SLC6A6: variants seen among roughly 807,000 people sequenced by gnomAD.
SLC6A6 encodes sodium- and chloride-dependent taurine transporter.
SLC6A6 carries 16 observed loss-of-function variants against 68.8 expected under a neutral mutation model. That is an observed-to-expected ratio of 0.23 (90% confidence interval 0.16 to 0.35). The LOEUF is 0.35. Ranked by LOEUF, SLC6A6 falls within the 10% of genes least tolerant of loss-of-function variation. The pLI is 1.00. For synonymous variants in SLC6A6, 312 were observed against 315.4 expected, an observed-to-expected ratio of 0.99 and a Z score of 0.12; for missense variants, 474 against 802.8, an observed-to-expected ratio of 0.59 and a Z score of 4.95.
intron 1 of SLC6A6, among the ~76,000 whole-genome samples, chr3:14,415,064 C>A (rs1382591601): frequency 6.6e-6 from 1 of 152,238 alleles, no homozygotes; most frequent in Non-Finnish European, 1.5e-5. Flanking sequence ...GCCCAGACTT[C>A]ACAGAGCCTA....
intron 2 of SLC6A6, among the ~76,000 whole-genome samples, chr3:14,423,341 T>A (rs1281379430): frequency 1.3e-5 from 2 of 152,178 alleles, no homozygotes; most frequent in East Asian, 3.9e-4. Context: ...CACTCACACA[T>A]GAATGTTGTG....
At chr3:14,480,659 T>C (rs1193052733) in intron 13 of SLC6A6, among the ~76,000 whole-genome samples, 1 of 152,252 alleles carries the variant, frequency 6.6e-6, no homozygotes, top group Non-Finnish European at 1.5e-5. Context: ...TTTAGAAAGA[T>C]GCATCTTCCT....
chr3:14,465,085 C>T (rs959158421), intron 6 of SLC6A6, among the ~76,000 whole-genome samples: 32 of 152,264 alleles, frequency 2.1e-4, no homozygotes, highest in Admixed American at 1.1e-3. Context: ...GTGCCTGGGA[C>T]GTTCCTACTC....
At chr3:14,409,733 G>A (rs548826012) in intron 1 of SLC6A6, among the ~76,000 whole-genome samples, 6 of 152,218 alleles carry the variant, frequency 3.9e-5, no homozygotes, top group South Asian at 2.1e-4. Context: ...GTCTGGGAAC[G>A]CCGCCTCAGG....
At chr3:14,458,473 G>A (rs3821593) in intron 6 of SLC6A6, among the ~76,000 whole-genome samples, 64,298 of 152,098 alleles carry the variant, frequency 0.42, 13,825 homozygotes, top group African/African-American at 0.48. Flanking sequence ...AGGTTAGCTG[G>A]TAACAGGAGG....
Position 14,489,284 on chromosome 3 carries a change from C to T in SLC6A6, c.*4277C>T, listed in dbSNP as rs1475740930. The T allele has an allele frequency of 6.6e-6, 1 of 152,370 alleles. No homozygotes were observed. Among genetic ancestry groups the T allele is most frequent in the African/African-American group, 2.4e-5 (1 of 41,346 alleles). The allele number at this position is 152,370 out of a possible 1,614,324, so 9.4% of individuals were successfully genotyped here. ...TATCAATATTTTAAATTCATCTTTGCTTTTTTTAGAGGAGTTTGTAATCAC... is the reference window on the plus strand; with the variant it reads ...TATCAATATTTTAAATTCATCTTTGTTTTTTTTAGAGGAGTTTGTAATCAC... On this transcript the variant is annotated 3_prime_UTR_variant, in exon 15 of 15. Coordinates refer to ENST00000622186, the MANE Select transcript of SLC6A6 (RefSeq NM_003043.6).
intron 13 of SLC6A6, 78 bp downstream of exon 13, chr3:14,479,263 T>C: frequency 1.1e-6 from 1 of 900,662 alleles, no homozygotes; most frequent in Non-Finnish European, 1.9e-6. Context: ...AAACCATCTT[T>C]CATGCAGCAT....
chr3:14,459,217 C>G (rs1311156203), intron 6 of SLC6A6, among the ~76,000 whole-genome samples: 1 of 152,194 alleles, frequency 6.6e-6, no homozygotes, highest in African/African-American at 2.4e-5. Context: ...GATCAAAAAA[C>G]CCCCAAAAGT....
rs577106049 is a variant in SLC6A6, at chr3:14,480,551, C to T, written c.1552-1120C>T. On this transcript the variant is annotated intron_variant, in intron 13 of 14. Coordinates refer to ENST00000622186, the MANE Select transcript of SLC6A6 (RefSeq NM_003043.6). ...CACTCATCTGAGCCACAGCCCTACA[C>T]GTAGGGACGGGAACAACAGCAGGGC... Among the ~76,000 whole-genome samples, 32 of 152,210 alleles carry T rather than the reference C, an allele frequency of 2.1e-4. 1 individual carries two copies. Among genetic ancestry groups the T allele is most frequent in the Admixed American group, 1.2e-3 (19 of 15,290 alleles).
intron 5 of SLC6A6, among the ~76,000 whole-genome samples, chr3:14,448,955 C>G (rs896285486): frequency 2.6e-5 from 4 of 152,234 alleles, no homozygotes; most frequent in Non-Finnish European, 5.9e-5. Flanking sequence ...AGGTTGTGAG[C>G]CAGGGGCAGG....
In SLC6A6 at chr3:14,402,661, A is replaced by G. The variant is rs1204306096; in HGVS notation, c.-240A>G. 1 of 397,936 alleles carries G rather than the reference A, an allele frequency of 2.5e-6. No individual in the cohort carries two copies. Among genetic ancestry groups the G allele is most frequent in the Non-Finnish European group, 4.4e-6 (1 of 225,794 alleles). 24.7% of individuals were successfully genotyped at this position (397,936 alleles called of 1,614,324 possible). A position where few individuals can be genotyped will look rare whatever the true frequency, so the allele number is the denominator to read the frequency against. On this transcript the variant is annotated 5_prime_UTR_variant, in exon 1 of 15. Coordinates refer to ENST00000622186, the MANE Select transcript of SLC6A6 (RefSeq NM_003043.6). This position sits in a 1 kb window ranked among gnomAD's most constrained non-coding sequence, Gnocchi z 4.8. ...GAGGTCAGGAAGAAGCCGCTTATAA[A>G]TTACCGCTTCCTTCGCGCCGCCGCC... is the stretch of plus-strand genomic sequence containing the variant.
chr3:14,417,532 C>A (rs1299021066), intron 2 of SLC6A6, among the ~76,000 whole-genome samples: 1 of 152,100 alleles, frequency 6.6e-6, no homozygotes. Flanking sequence ...GAGATCGAGA[C>A]CATCCTGGCT....
In SLC6A6 at chr3:14,445,627, C is replaced by G. The variant is rs566528253; in HGVS notation, c.230-90C>G. 1.1e-5 allele frequency: 16 copies of G among 1,441,660 alleles called. No individual in the cohort carries two copies. The East Asian group carries it at 3.6e-4, about 33-fold the overall frequency. 89.3% of individuals were successfully genotyped at this position (1,441,660 alleles called of 1,614,324 possible). A position where few individuals can be genotyped will look rare whatever the true frequency, so the allele number is the denominator to read the frequency against. On this transcript the variant is annotated intron_variant, in intron 3 of 14. Coordinates refer to ENST00000622186, the MANE Select transcript of SLC6A6 (RefSeq NM_003043.6). ...GCCTCATGCCCCTCATGCATTCTCTCTGGTTCCATTGGCTGGGAGGGCTTG... is the reference window on the plus strand; with the variant it reads ...GCCTCATGCCCCTCATGCATTCTCTGTGGTTCCATTGGCTGGGAGGGCTTG...
At chr3:14,416,703 C>T (rs57066911) in intron 2 of SLC6A6, among the ~76,000 whole-genome samples, 3,269 of 152,346 alleles carry the variant, frequency 0.021, 122 homozygotes, top group African/African-American at 0.074. Context: ...GCAAATGGGC[C>T]AAGCACTGGT....
chr3:14,451,837 C>T (rs962858374), intron 5 of SLC6A6, among the ~76,000 whole-genome samples: 3 of 152,174 alleles, frequency 2.0e-5, no homozygotes, highest in East Asian at 1.9e-4. Flanking sequence ...GGATTTTTTG[C>T]GCGTTGCTGT....
Position 14,468,548 on chromosome 3 carries a change from C to T in SLC6A6, c.1096+336C>T, listed in dbSNP as rs1700678170. ...CACAATAGAAACCACTTTCCTAACT[C>T]AGGCCCAAGTCAGCCACCAATCGGC... On this transcript the variant is annotated intron_variant, in intron 9 of 14. Coordinates refer to ENST00000622186, the MANE Select transcript of SLC6A6 (RefSeq NM_003043.6). The surrounding 1 kb of genome is among the most constrained non-coding windows in gnomAD (Gnocchi z 4.5). Among the ~76,000 whole-genome samples the T allele has an allele frequency of 6.6e-6, 1 of 152,082 alleles. No homozygotes were observed. The highest frequency in any genetic ancestry group is 1.5e-5 in the Non-Finnish European group (1 of 68,008).
intron 2 of SLC6A6, among the ~76,000 whole-genome samples, chr3:14,434,175 G>A (rs994051240): frequency 6.6e-6 from 1 of 152,176 alleles, no homozygotes; most frequent in Non-Finnish European, 1.5e-5. Flanking sequence ...CCCTAGAGCC[G>A]AGCTTCTGGG....
intron 6 of SLC6A6, 105 bp from the exon 7 acceptor site, chr3:14,466,411 C>A: frequency 7.6e-7 from 1 of 1,314,184 alleles, no homozygotes; most frequent in Non-Finnish European, 1.0e-6. Context: ...GGCTCCAGAA[C>A]TCCTGATCCT....
chr3:14,451,001 C>A (rs916681403), intron 5 of SLC6A6, among the ~76,000 whole-genome samples: 1 of 152,252 alleles, frequency 6.6e-6, no homozygotes, highest in Non-Finnish European at 1.5e-5. Context: ...AGTATACCTA[C>A]AATCTGAGCA....
Sources: allele counts gnomAD v4.1 joint callset (sites outside exome capture counted in the v4.1 genomes callset), GRCh38; gene constraint gnomAD v4.1.1; non-coding constraint Gnocchi (gnomAD v3.1); transcripts MANE v1.5; gene names NCBI Gene and HGNC (gene_info 2026-07-23, HGNC 2026-07-21).